Variants in TXNDC16 observed in about 807,000 individuals in gnomAD.
TXNDC16 encodes the protein thioredoxin domain-containing protein 16.
In TXNDC16, 74 loss-of-function variants were observed where a neutral mutation model predicts 85.6. The ratio of observed to expected loss-of-function variants is 0.86; its 90% CI spans 0.72 to 1.05. TXNDC16 has a LOEUF of 1.05. TXNDC16 is among the 50% of genes least tolerant of loss of function. The pLI is 0.00. For synonymous variants in TXNDC16, 335 were observed against 326.5 expected, an observed-to-expected ratio of 1.03 and a Z score of -0.28; for missense variants, 959 against 947.0, an observed-to-expected ratio of 1.01 and a Z score of -0.17.
intron 4 of TXNDC16, among the ~76,000 whole-genome samples, chr14:52,541,214 C>T (rs1003122869): frequency 6.7e-6 from 1 of 149,272 alleles, no homozygotes; most frequent in Non-Finnish European, 1.5e-5. Context: ...CCAGCCTGGG[C>T]GACAAGAGCA....
At chr14:52,533,591 A>G (rs1160726891) in intron 6 of TXNDC16, among the ~76,000 whole-genome samples, 1 of 152,196 alleles carries the variant, frequency 6.6e-6, no homozygotes, top group Non-Finnish European at 1.5e-5. Context: ...GCCAAACCAA[A>G]AGTAATAATC....
At chr14:52,533,872 C>A (rs762282996) in intron 6 of TXNDC16, among the ~76,000 whole-genome samples, 1 of 152,112 alleles carries the variant, frequency 6.6e-6, no homozygotes, top group Non-Finnish European at 1.5e-5. Context: ...TAGCCAAGGG[C>A]TCTGGTAAGG....
intron 14 of TXNDC16, among the ~76,000 whole-genome samples, chr14:52,473,545 T>C (rs1046857032): frequency 1.3e-5 from 2 of 152,182 alleles, no homozygotes; most frequent in Non-Finnish European, 2.9e-5. Flanking sequence ...TACTGATATA[T>C]ATCACTAAAA....
chr14:52,467,331 G>C (rs1171822127), intron 16 of TXNDC16, among the ~76,000 whole-genome samples: 1 of 152,096 alleles, frequency 6.6e-6, no homozygotes, highest in East Asian at 1.9e-4. Context: ...TATGGAATGA[G>C]AGAAAATATT....
intron 9 of TXNDC16, among the ~76,000 whole-genome samples, chr14:52,494,408 C>G (rs1470791124): frequency 6.6e-6 from 1 of 152,146 alleles, no homozygotes; most frequent in Non-Finnish European, 1.5e-5. Flanking sequence ...TGAGAGCAGC[C>G]TGTAGGAAAT....
intron 6 of TXNDC16, among the ~76,000 whole-genome samples, chr14:52,532,741 A>C (rs2037612454): frequency 2.0e-5 from 3 of 152,152 alleles, no homozygotes; most frequent in Non-Finnish European, 2.9e-5. Flanking sequence ...CAGCCAGTTC[A>C]AATCTATTTT....
chr14:52,466,190 G>A (rs2035768431), intron 16 of TXNDC16, among the ~76,000 whole-genome samples: 1 of 151,000 alleles, frequency 6.6e-6, no homozygotes, highest in Non-Finnish European at 1.5e-5. Flanking sequence ...ATGAAACCAT[G>A]GCATACAAAG....
intron 6 of TXNDC16, among the ~76,000 whole-genome samples, chr14:52,530,314 AT>A (rs2037490236): frequency 1.8e-5 from 1 of 54,422 alleles, no homozygotes; most frequent in East Asian, 1.3e-3. Flanking sequence ...AATATATAAT[AT>A]ATAATTATTT....
chr14:52,453,350 G>C (rs1451730812), intron 18 of TXNDC16, among the ~76,000 whole-genome samples: 1 of 152,122 alleles, frequency 6.6e-6, no homozygotes, highest in Admixed American at 6.6e-5. Flanking sequence ...AAGAATATCA[G>C]TATACCAAAG....
chr14:52,528,736 T>A (rs2037396721), intron 6 of TXNDC16, among the ~76,000 whole-genome samples: 1 of 149,866 alleles, frequency 6.7e-6, no homozygotes, highest in Admixed American at 6.7e-5. Flanking sequence ...ACTAGTTCAT[T>A]TTTCAATTTA....
Position 52,493,216 on chromosome 14 carries a change from T to TATATATATATATATATATATTAC in TXNDC16, c.757-2212_757-2211insGTAATATATATATATATATATAT. On this transcript the variant is annotated intron_variant, in intron 9 of 20. Transcript: ENST00000281741. ...TTCTATATATATATATATATATATA[T>TATATATATATATATATATATTAC]ACACACACACACACACACATATTTA... Among the ~76,000 whole-genome samples the TATATATATATATATATATATTAC allele has an allele frequency of 5.7e-3, 657 of 115,838 alleles. 8 individuals carry two copies. The highest frequency in any genetic ancestry group is 0.013 in the Middle Eastern group (3 of 234). The allele number at this position is 115,838 out of a possible 152,430, so 76.0% of individuals were successfully genotyped here.
At chr14:52,549,785 C>A (rs904297573) in intron 1 of TXNDC16, among the ~76,000 whole-genome samples, 2 of 152,020 alleles carry the variant, frequency 1.3e-5, no homozygotes, top group African/African-American at 4.8e-5. Context: ...CTACAGGCGC[C>A]CGCCACCACA....
intron 20 of TXNDC16, 69 bp downstream of exon 20, chr14:52,439,135 A>C: frequency 7.0e-7 from 1 of 1,420,470 alleles, no homozygotes; most frequent in Non-Finnish European, 9.8e-7. Flanking sequence ...TTCTTTAGCT[A>C]TATTTAGAGT....
intron 16 of TXNDC16, among the ~76,000 whole-genome samples, chr14:52,462,116 TC>T (rs1162715419): frequency 6.6e-6 from 1 of 152,200 alleles, no homozygotes; most frequent in Non-Finnish European, 1.5e-5. Context: ...CATAGAGACA[TC>T]CAGACAGAAG....
rs531332222 is a variant in TXNDC16 at position 52,498,907 on chromosome 14, T to G, written c.757-7902A>C. Reference sequence around the variant, plus strand: ...GTACAAAGCTAGAGGCCTCACACTTTCTGATTTCAAAATATATTACAAAGC... The same window carrying G: ...GTACAAAGCTAGAGGCCTCACACTTGCTGATTTCAAAATATATTACAAAGC... On this transcript the variant is annotated intron_variant, in intron 9 of 20. Transcript: ENST00000281741. Among the ~76,000 whole-genome samples the G allele has an allele frequency of 8.5e-5, 13 of 152,234 alleles. No homozygotes were observed. In the South Asian group the frequency reaches 2.7e-3, roughly 32 times the overall value.
At chr14:52,465,597 A>G (rs1044106884) in intron 16 of TXNDC16, among the ~76,000 whole-genome samples, 2 of 152,068 alleles carry the variant, frequency 1.3e-5, no homozygotes, top group South Asian at 4.2e-4. Flanking sequence ...ATCTCAAAAA[A>G]AAAAAAAAAA....
At chr14:52,548,429 C>T (rs2037982082) in intron 1 of TXNDC16, among the ~76,000 whole-genome samples, 2 of 152,138 alleles carry the variant, frequency 1.3e-5, no homozygotes, top group African/African-American at 4.8e-5. Context: ...TCACAAGAAA[C>T]ACTGCGCCTG....
At chr14:52,448,844 C>T (rs1477907824) in intron 18 of TXNDC16, among the ~76,000 whole-genome samples, 1 of 151,830 alleles carries the variant, frequency 6.6e-6, no homozygotes, top group Non-Finnish European at 1.5e-5. Context: ...ATTAGTTTTC[C>T]TTTGCTTGTT....
chr14:52,458,591 A>G (rs994965066), intron 16 of TXNDC16, among the ~76,000 whole-genome samples: 7 of 152,288 alleles, frequency 4.6e-5, no homozygotes, highest in Admixed American at 1.3e-4. Context: ...AAAATTTATT[A>G]AAATATTTTT....
Sources: gnomAD v4.1 joint callset for allele counts (sites outside exome capture counted in the v4.1 genomes callset) on GRCh38, gnomAD v4.1.1 for gene constraint, MANE v1.5 for transcripts, NCBI Gene and HGNC (gene_info 2026-07-23, HGNC 2026-07-21) for gene names.